PACS1: variants seen among roughly 807,000 people sequenced by gnomAD.
PACS1 encodes PACS-1.
Under a neutral mutation model 115.0 loss-of-function variants are expected in PACS1, and 24 were observed. The ratio of observed to expected loss-of-function variants is 0.21; its 90% confidence interval spans 0.15 to 0.29. The LOEUF (loss-of-function observed/expected upper bound fraction) is 0.29. PACS1 is among the 10% of genes least tolerant of loss of function. The pLI, the probability that PACS1 is intolerant of heterozygous loss-of-function variation, is 1.00. For synonymous variants in PACS1, 453 were observed against 504.5 expected (o/e 0.90, Z 1.37); for missense variants, 838 against 1,251.2 (o/e 0.67, Z 4.98).
intron 1 of PACS1, among the ~76,000 whole-genome samples, chr11:66,142,718 AAAG>A (rs1276734593): frequency 6.6e-6 from 1 of 151,962 alleles, no homozygotes; most frequent in Non-Finnish European, 1.5e-5. Flanking sequence ...GGCTCCTGAA[AAAG>A]AAGGTTTGTG....
At chr11:66,225,035 A>C (rs1301586815) in intron 10 of PACS1, among the ~76,000 whole-genome samples, 2 of 152,202 alleles carry the variant, frequency 1.3e-5, no homozygotes, top group Non-Finnish European at 2.9e-5. Flanking sequence ...TGGTTCTCCA[A>C]GCTGATAACA....
chr11:66,085,413 C>T (rs1857549294), intron 1 of PACS1, among the ~76,000 whole-genome samples: 1 of 152,186 alleles, frequency 6.6e-6, no homozygotes, highest in Non-Finnish European at 1.5e-5. Context: ...GCAAAGGACT[C>T]AGAGTTTGCA....
rs180968235 is a variant in PACS1 at position 66,083,585 on chromosome 11, T to A, written c.356+12743T>A. 2.3e-4 allele frequency among the ~76,000 whole-genome samples: 35 copies of A among 152,304 alleles called. No homozygotes were observed. In the East Asian group the frequency reaches 6.4e-3, roughly 28 times the overall value. On this transcript the variant is annotated intron_variant, in intron 1 of 23. Transcript: ENST00000320580. Reference sequence around the variant, plus strand: ...TGCTTTGGACTTGGGCCAAGTGATATGTTTACTTAGGCTCCAGAAGGGCCT... The same window carrying A: ...TGCTTTGGACTTGGGCCAAGTGATAAGTTTACTTAGGCTCCAGAAGGGCCT...
intron 1 of PACS1, among the ~76,000 whole-genome samples, chr11:66,107,324 T>C (rs556344653): frequency 5.3e-5 from 8 of 152,306 alleles, no homozygotes; most frequent in Admixed American, 5.2e-4. Flanking sequence ...TGCTCATGTG[T>C]CATCCATCCC....
At chr11:66,218,487 AT>A (rs1221486470) in intron 7 of PACS1, 1 of 152,194 alleles carries the variant, frequency 6.6e-6, no homozygotes, top group Non-Finnish European at 1.5e-5. Flanking sequence ...CCCAGATGAG[AT>A]GCTGAGAGAT....
At chr11:66,098,171 C>T (rs373400888) in intron 1 of PACS1, among the ~76,000 whole-genome samples, 136 of 152,094 alleles carry the variant, frequency 8.9e-4, no homozygotes, top group South Asian at 2.5e-3. Flanking sequence ...AGTGAGATTC[C>T]GTCTCAAAAA....
chr11:66,233,856 C>G lies in PACS1; in HGVS notation c.1910C>G (p.Ser637Cys). 6.2e-7 allele frequency: 1 copy of G among 1,611,186 alleles called. No individual in the cohort carries two copies. Among genetic ancestry groups the G allele is most frequent in the Non-Finnish European group, 8.5e-7 (1 of 1,178,412 alleles). ...AAVGGQSYLSSILRFFVKSLA... is the reference protein window; with the variant it reads ...AAVGGQSYLSCILRFFVKSLA... ...GTGGGAGGCCAGAGCTACCTGAGCTCCATCCTCAGGTTCTTTGTCAAGTCC... is the reference window on the plus strand; with the variant it reads ...GTGGGAGGCCAGAGCTACCTGAGCTGCATCCTCAGGTTCTTTGTCAAGTCC... Residue 637 changes from serine to cysteine, a missense_variant, in exon 16 of 24, where the codon TCC becomes TGC. Physicochemically the swap from Ser to Cys is moderately radical, Grantham distance 112. Transcript: ENST00000320580. The surrounding 1 kb of genome is among the most constrained non-coding windows in gnomAD (Gnocchi z 4.5).
At chr11:66,160,551 C>T (rs1050484599) in intron 1 of PACS1, among the ~76,000 whole-genome samples, 13 of 151,642 alleles carry the variant, frequency 8.6e-5, no homozygotes, top group Admixed American at 5.3e-4. Flanking sequence ...AGATGGTGTA[C>T]GGTAGCCCTA....
rs1855648034 is a variant in PACS1, at chr11:66,233,726, C to A, written c.1839-59C>A. The A allele has an allele frequency of 9.2e-6, 14 of 1,525,060 alleles. No homozygotes were observed. In the South Asian group the frequency reaches 1.6e-4, roughly 18 times the overall value. 94.5% of individuals were successfully genotyped at this position (1,525,060 alleles called of 1,614,324 possible). On this transcript the variant is annotated intron_variant, in intron 15 of 23. Transcript: ENST00000320580. The surrounding 1 kb of genome is among the most constrained non-coding windows in gnomAD (Gnocchi z 4.5). ...ATCACAGAAAGTCAGCTCTGGGCCT[C>A]CCCCGGGCAGGATCCTGGCACCCCT... is the stretch of plus-strand genomic sequence containing the variant.
At chr11:66,147,813 A>G (rs1859160442) in intron 1 of PACS1, among the ~76,000 whole-genome samples, 2 of 152,290 alleles carry the variant, frequency 1.3e-5, no homozygotes, top group South Asian at 4.2e-4. Context: ...GACTGTAATC[A>G]GAAATAATTG....
chr11:66,217,324 A>G (rs1043498432), intron 7 of PACS1: 1 of 323,808 alleles, frequency 3.1e-6, no homozygotes, highest in Non-Finnish European at 6.1e-6. Flanking sequence ...GACTTCCTCA[A>G]GAGTCACTGT....
chr11:66,238,630 T>C (rs1425123897), intron 19 of PACS1, 174 bp from the exon 20 acceptor site: 2 of 632,734 alleles, frequency 3.2e-6, no homozygotes, highest in Non-Finnish European at 5.5e-6. Flanking sequence ...CCTCCCAAAG[T>C]GCTGGGATTA....
At chr11:66,154,893 A>T (rs1320732174) in intron 1 of PACS1, among the ~76,000 whole-genome samples, 1 of 152,242 alleles carries the variant, frequency 6.6e-6, no homozygotes, top group East Asian at 1.9e-4. Flanking sequence ...AAAATTGAGG[A>T]CTGACTTCTA....
rs749297584 is a variant in PACS1 at position 66,235,321 on chromosome 11, C to T, written c.2125C>T (p.Arg709Trp). The change falls in exon 18 of 24, where the codon CGG becomes TGG. Residue 709 changes from arginine (R) to tryptophan (W), a missense_variant. By Grantham distance (101) the Arg-to-Trp change is moderately radical. Transcript: ENST00000320580. This position sits in a 1 kb window ranked among gnomAD's most constrained non-coding sequence, Gnocchi z 5.6. ...PVSEQLDVAG[R>W]VMQYVNGAAT... ...TGCAGAGCAACTGGACGTGGCAGGG[C>T]GGGTGATGCAGTACGTCAACGGGGC... 1.2e-6 allele frequency: 2 copies of T among 1,613,714 alleles called. No homozygotes were observed. The highest frequency in any genetic ancestry group is 1.7e-5 in the Admixed American group (1 of 60,008).
At chr11:66,216,080 CTG>C (rs1855201217) in intron 4 of PACS1, 37 bp from the exon 5 acceptor site, 1 of 1,609,488 alleles carries the variant, frequency 6.2e-7, no homozygotes, top group Non-Finnish European at 8.5e-7. Context: ...CCAGGTGCCT[CTG>C]TAGTAACACG....
Position 66,235,648 on chromosome 11 carries a change from C to T in PACS1, c.2207+245C>T. ...CCTTCAGTATAAAGCAGCCCATCCT[C>T]ATAGCTGGAACTCAGACGTGGGAAG... is the stretch of plus-strand genomic sequence containing the variant. On this transcript the variant is annotated intron_variant, in intron 18 of 23. Transcript: ENST00000320580. The surrounding 1 kb of genome is among the most constrained non-coding windows in gnomAD (Gnocchi z 5.6). 3 of 607,356 alleles carry T rather than the reference C, an allele frequency of 4.9e-6. No individual in the cohort carries two copies. Among genetic ancestry groups the T allele is most frequent in the African/African-American group, 1.8e-5 (1 of 54,122 alleles). The allele number at this position is 607,356 out of a possible 1,614,324, so 37.6% of individuals were successfully genotyped here.
At chr11:66,176,657 G>C (rs879941707) in intron 1 of PACS1, among the ~76,000 whole-genome samples, 1 of 151,982 alleles carries the variant, frequency 6.6e-6, no homozygotes, top group African/African-American at 2.4e-5. Context: ...CAAGTGATCC[G>C]CCTGCCTCCG....
chr11:66,240,186 G>A (rs146903685), intron 21 of PACS1, among the ~76,000 whole-genome samples: 153 of 152,340 alleles, frequency 1.0e-3, no homozygotes, highest in African/African-American at 3.1e-3. Context: ...GGGAGCAAGC[G>A]GCGGAGCTCG....
chr11:66,201,656 G>T (rs1170037356), intron 2 of PACS1, among the ~76,000 whole-genome samples: 2 of 145,328 alleles, frequency 1.4e-5, no homozygotes, highest in Admixed American at 6.9e-5. Flanking sequence ...AATGTTTTGG[G>T]TTTTTGTTTT....
Sources: gnomAD v4.1 joint callset for allele counts (sites outside exome capture counted in the v4.1 genomes callset) on GRCh38, gnomAD v4.1.1 for gene constraint, Gnocchi (gnomAD v3.1) non-coding constraint, MANE v1.5 for transcripts, NCBI Gene and HGNC (gene_info 2026-07-23, HGNC 2026-07-21) for gene names.